CDK19: variants seen among roughly 807,000 people sequenced by gnomAD.
The protein encoded by CDK19 is cyclin dependent kinase 19.
A neutral mutation model predicts 68.3 loss-of-function variants in CDK19; 20 were observed. The observed-to-expected ratio is 0.29, with a 90% confidence interval of 0.21 to 0.43. The LOEUF (loss-of-function observed/expected upper bound fraction) is 0.43, where lower values mean the gene tolerates loss of function less well. Ranked by LOEUF, CDK19 falls within the 20% of genes least tolerant of loss-of-function variation. The pLI is 1.00. For missense variants in CDK19, 339 were observed against 623.5 expected (o/e 0.54, Z 4.86); for synonymous variants, 221 against 222.8 (o/e 0.99, Z 0.07).
chr6:110,618,109 A>C lies in CDK19; in HGVS notation c.1377+2995T>G, dbSNP rs376315501. 1.8e-4 allele frequency among the ~76,000 whole-genome samples: 28 copies of C among 151,896 alleles called. No homozygotes were observed. In the East Asian group the frequency reaches 5.1e-3, roughly 27 times the overall value. ...GTTAAAGAAACCCATAAAGATAGAAACCCAAACCAGACTGCATGACTCTCT... is the reference window on the plus strand; with the variant it reads ...GTTAAAGAAACCCATAAAGATAGAACCCCAAACCAGACTGCATGACTCTCT... On this transcript the variant is annotated intron_variant, in intron 12 of 12. Coordinates refer to ENST00000368911, the MANE Select transcript of CDK19 (RefSeq NM_015076.5).
At chr6:110,712,836 C>T (rs568792549) in intron 2 of CDK19, among the ~76,000 whole-genome samples, 21 of 152,134 alleles carry the variant, frequency 1.4e-4, no homozygotes, top group South Asian at 4.2e-4. Context: ...ATGAAACTAA[C>T]GGTAAGAAGT....
At chr6:110,795,293 G>A (rs1781865998) in intron 1 of CDK19, among the ~76,000 whole-genome samples, 1 of 152,128 alleles carries the variant, frequency 6.6e-6, no homozygotes, top group Non-Finnish European at 1.5e-5. Context: ...TTTTTAGTAA[G>A]TCAAAAATAA....
At chr6:110,626,665 T>C (rs1779109190) in intron 8 of CDK19, 111 bp downstream of exon 8, 2 of 665,968 alleles carry the variant, frequency 3.0e-6, no homozygotes. Flanking sequence ...CCTTGGACTT[T>C]CCAGCCTCAA....
At position 110,727,490 on chromosome 6, in the gene CDK19, A is replaced by G. The variant is rs1381334697; in HGVS notation, c.204+18636T>C. On this transcript the variant is annotated intron_variant, in intron 2 of 12. Transcript: ENST00000368911. ...TGTGTCTTATCTTCTGGACCAGCAT[A>G]TAAGGTTCATGATGGAAAGAAGCAT... 2.6e-5 allele frequency among the ~76,000 whole-genome samples: 4 copies of G among 152,164 alleles called. No homozygotes were observed. In the East Asian group the frequency reaches 7.7e-4, roughly 29 times the overall value.
chr6:110,791,149 C>T (rs1013078416), intron 1 of CDK19, among the ~76,000 whole-genome samples: 7 of 148,150 alleles, frequency 4.7e-5, no homozygotes, highest in African/African-American at 7.5e-5. Context: ...CCAGCCTGGA[C>T]GACAGAGTGA....
chr6:110,641,943 AAGAGCAGTGAATGTTTGGTGT>A (rs1780215278), intron 4 of CDK19, among the ~76,000 whole-genome samples: 1 of 152,242 alleles, frequency 6.6e-6, no homozygotes, highest in South Asian at 2.1e-4. Flanking sequence ...TTGATGTGAC[AAGAGCAGTGAATGTTTGGTGT>A]AGAAATGCAA....
chr6:110,801,869 G>A (rs559481397), intron 1 of CDK19, among the ~76,000 whole-genome samples: 114 of 152,172 alleles, frequency 7.5e-4, no homozygotes, highest in African/African-American at 2.4e-3. Flanking sequence ...AAAAGTGAGC[G>A]AAGGACATGA....
chr6:110,640,961 A>G (rs1390991850), intron 4 of CDK19, among the ~76,000 whole-genome samples: 1 of 152,164 alleles, frequency 6.6e-6, no homozygotes, highest in Non-Finnish European at 1.5e-5. Flanking sequence ...CGTCTCAAAA[A>G]ATATTAAATA....
At chr6:110,713,893 T>A (rs1398146726) in intron 2 of CDK19, among the ~76,000 whole-genome samples, 1 of 152,170 alleles carries the variant, frequency 6.6e-6, no homozygotes, top group African/African-American at 2.4e-5. Context: ...AAAATTTGTC[T>A]TAAAGAAAAC....
At chr6:110,771,904 C>T (rs756334415) in intron 1 of CDK19, among the ~76,000 whole-genome samples, 1 of 152,180 alleles carries the variant, frequency 6.6e-6, no homozygotes, top group Non-Finnish European at 1.5e-5. Flanking sequence ...CTCCAGTTCC[C>T]AACAAGTTCC....
At chr6:110,734,421 T>G (rs1777024796) in intron 2 of CDK19, among the ~76,000 whole-genome samples, 1 of 152,106 alleles carries the variant, frequency 6.6e-6, no homozygotes, top group Admixed American at 6.6e-5. Flanking sequence ...AACAAAAATT[T>G]ACACATTGCT....
chr6:110,814,138 G>A (rs563141146), intron 1 of CDK19: 43 of 172,422 alleles, frequency 2.5e-4, no homozygotes, highest in Non-Finnish European at 4.1e-4. Context: ...GGAAAACAAA[G>A]GTTCAGGCCC....
chr6:110,670,111 C>T (rs964611468), intron 3 of CDK19, among the ~76,000 whole-genome samples: 2 of 152,016 alleles, frequency 1.3e-5, no homozygotes, highest in Middle Eastern at 6.8e-3. Flanking sequence ...GAGCCAAGAT[C>T]GTGCCACTGC....
chr6:110,617,694 C>A (rs1778420349), intron 12 of CDK19, among the ~76,000 whole-genome samples: 1 of 143,090 alleles, frequency 7.0e-6, no homozygotes, highest in Non-Finnish European at 1.6e-5. Flanking sequence ...CACACACACA[C>A]ACACACACAC....
chr6:110,717,375 T>C (rs1011183161), intron 2 of CDK19, among the ~76,000 whole-genome samples: 1 of 152,168 alleles, frequency 6.6e-6, no homozygotes, highest in Non-Finnish European at 1.5e-5. Flanking sequence ...AATGAGCCCT[T>C]AGAGCTGTGG....
At chr6:110,813,384 T>C (rs1018321535) in intron 1 of CDK19, 7 of 152,208 alleles carry the variant, frequency 4.6e-5, no homozygotes, top group African/African-American at 1.7e-4. Context: ...ATGAGGAGTA[T>C]GGGAAAAACC....
chr6:110,729,786 T>A (rs1048724164), intron 2 of CDK19, among the ~76,000 whole-genome samples: 3 of 151,908 alleles, frequency 2.0e-5, no homozygotes, highest in African/African-American at 7.3e-5. Flanking sequence ...CAGGCTAGAG[T>A]GCAGTGTCTA....
At chr6:110,741,196 A>G (rs1777635765) in intron 2 of CDK19, among the ~76,000 whole-genome samples, 1 of 151,942 alleles carries the variant, frequency 6.6e-6, no homozygotes, top group Non-Finnish European at 1.5e-5. Context: ...CGGTTCATAC[A>G]TGTAATCCTA....
chr6:110,724,889 C>T (rs529163011), intron 2 of CDK19, among the ~76,000 whole-genome samples: 4 of 152,004 alleles, frequency 2.6e-5, no homozygotes, highest in African/African-American at 9.6e-5. Flanking sequence ...TACAAAATTA[C>T]TCAGAATTCT....
Sources: allele counts gnomAD v4.1 joint callset (sites outside exome capture counted in the v4.1 genomes callset), GRCh38; gene constraint gnomAD v4.1.1; transcripts MANE v1.5; gene names NCBI Gene and HGNC (gene_info 2026-07-23, HGNC 2026-07-21).